The following MGAM variants were observed in gnomAD, a reference collection of about 807,000 sequenced individuals.
MGAM encodes the protein maltase-glucoamylase, also known as alpha-1,4-glucosidase.
MGAM carries 253 observed loss-of-function variants against 358.8 expected under a neutral mutation model. The observed-to-expected ratio is 0.71, with a 90% CI of 0.64 to 0.78. MGAM has a LOEUF of 0.78. MGAM is among the 30% of genes least tolerant of loss of function. MGAM has a pLI of 0.00. For missense variants in MGAM, 3,080 were observed against 3,432.6 expected, an observed-to-expected ratio of 0.90 and a Z score of 2.57; for synonymous variants, 1,105 against 1,227.1, an observed-to-expected ratio of 0.90 and a Z score of 2.08.
At chr7:142,103,114 T>C (rs1265835765) in intron 69 of MGAM, among the ~76,000 whole-genome samples, 155 bp from the exon 70 acceptor site, 2 of 152,216 alleles carry the variant, frequency 1.3e-5, no homozygotes, top group African/African-American at 4.8e-5. Flanking sequence ...CAATAGGCCA[T>C]AGAGTGATGA....
At position 142,078,573 on chromosome 7, in the gene MGAM, A is replaced by G. The variant is rs1813948889; in HGVS notation, c.5646+103A>G. 12 of 1,224,554 alleles carry G rather than the reference A, an allele frequency of 9.8e-6. 1 individual carries two copies. Among genetic ancestry groups the G allele is most frequent in the Admixed American group, 2.7e-5 (1 of 36,726 alleles). The allele number at this position is 1,224,554 out of a possible 1,614,324, so 75.9% of individuals were successfully genotyped here. A position where few individuals can be genotyped will look rare whatever the true frequency, so the allele number is the denominator to read the frequency against. On this transcript the variant is annotated intron_variant, in intron 48 of 70. Coordinates refer to ENST00000475668, the MANE Select transcript of MGAM (RefSeq NM_001365693.1). ...TTATATAACTACTTAAAATCCATAG[A>G]AAGGACTTCCTAAGGGACATGATCT...
intron 1 of MGAM, among the ~76,000 whole-genome samples, chr7:141,997,590 G>C (rs1804356267): frequency 6.6e-6 from 1 of 152,136 alleles, no homozygotes. Flanking sequence ...AATGTGATGA[G>C]AAATATAAGC....
At chr7:142,021,180 G>T (rs1238006190) in intron 5 of MGAM, 97 bp downstream of exon 5, 2 of 830,132 alleles carry the variant, frequency 2.4e-6, no homozygotes, top group East Asian at 2.7e-5. Context: ...TTTGCTACTG[G>T]ATGTATTTTT....
intron 3 of MGAM, among the ~76,000 whole-genome samples, chr7:142,010,100 C>T (rs782205518): frequency 6.6e-6 from 1 of 152,096 alleles, no homozygotes; most frequent in Non-Finnish European, 1.5e-5. Flanking sequence ...GTTTGATTCT[C>T]CCAGTTATGA....
chr7:141,995,208 T>G (rs1282636482), upstream of MGAM, among the ~76,000 whole-genome samples: 1 of 151,742 alleles, frequency 6.6e-6, no homozygotes, highest in Non-Finnish European at 1.5e-5. Context: ...TCTCATAGGT[T>G]TCTTGGCCTT....
chr7:142,030,722 A>T lies in MGAM; in HGVS notation c.1435A>T (p.Asn479Tyr). The T allele has an allele frequency of 6.2e-7, 1 of 1,611,980 alleles. No individual in the cohort carries two copies. Among genetic ancestry groups the T allele is most frequent in the African/African-American group, 1.3e-5 (1 of 74,920 alleles). Residue 479 changes from asparagine (N) to tyrosine (Y), a missense_variant, in exon 12 of 71, where the codon AAT becomes TAT. By Grantham distance (143) the Asn-to-Tyr change is moderately radical. Around this residue, in one of 5 missense-constraint regions of MGAM, gnomAD observed 1,816 missense variants for 1,840.5 expected, o/e 0.99. Transcript: ENST00000475668. ...GGGTTCAGATATGAAGATATGGGTG[A>T]ATAGTTCAGATGGAGTGACTCCACT... Reference protein sequence around the residue: ...DRGSDMKIWVNSSDGVTPLIG... With the variant: ...DRGSDMKIWVYSSDGVTPLIG...
intron 63 of MGAM, among the ~76,000 whole-genome samples, chr7:142,095,286 C>G (rs1196491145): frequency 6.6e-6 from 1 of 152,216 alleles, no homozygotes; most frequent in African/African-American, 2.4e-5. Context: ...CCATATTCCT[C>G]AGTGTTCTTT....
At chr7:141,988,350 A>G (rs578157824) in intron 2 of MGAM, among the ~76,000 whole-genome samples, 121 of 150,852 alleles carry the variant, frequency 8.0e-4, no homozygotes, top group African/African-American at 2.8e-3. Flanking sequence ...GTGTCACACA[A>G]TGCAAAGTTG....
chr7:142,019,788 G>A (rs1189455998), intron 4 of MGAM, among the ~76,000 whole-genome samples: 1 of 152,172 alleles, frequency 6.6e-6, no homozygotes, highest in African/African-American at 2.4e-5. Flanking sequence ...CAAAGCATAG[G>A]CCAGGCACAG....
rs373961689 is a variant in MGAM at position 142,064,482 on chromosome 7, C to T, written c.4444C>T (p.His1482Tyr). 1 of 1,584,110 alleles carries T rather than the reference C, an allele frequency of 6.3e-7. No individual in the cohort carries two copies. The highest frequency in any genetic ancestry group is 8.6e-7 in the Non-Finnish European group (1 of 1,164,988). Residue 1482 changes from histidine to tyrosine, a missense_variant, in exon 37 of 71, where the codon CAC becomes TAC. Around this residue, in one of 5 missense-constraint regions of MGAM, gnomAD observed 1,816 missense variants for 1,840.5 expected, o/e 0.99. Transcript: ENST00000475668. ...CTCCCTGGTGCAGCACTACAACGTG[C>T]ACAACCTGTATGGGTGGTCCCAGAC... ...DGSLVQHYNV[H>Y]NLYGWSQTRP... is the part of the protein sequence containing the mutation.
chr7:142,027,625 G>A lies in MGAM; in HGVS notation c.1111G>A (p.Ala371Thr), dbSNP rs781833668. 8.7e-6 allele frequency: 14 copies of A among 1,613,580 alleles called. No homozygotes were observed. The highest frequency in any genetic ancestry group is 1.3e-5 in the African/African-American group (1 of 74,920). Residue 371 changes from alanine (A) to threonine (T), a missense_variant, in exon 10 of 71, where the codon GCC becomes ACC. By Grantham distance (58) the Ala-to-Thr change is moderately conservative. Around this residue, in one of 5 missense-constraint regions of MGAM, gnomAD observed 1,816 missense variants for 1,840.5 expected, o/e 0.99. Coordinates refer to ENST00000475668, the MANE Select transcript of MGAM (RefSeq NM_001365693.1). ...QEYLELIGRPALPSYWALGFH... is the reference protein window; with the variant it reads ...QEYLELIGRPTLPSYWALGFH... ...TTTCTTTCAGCTCATTGGGCGGCCA[G>A]CCCTTCCCTCCTACTGGGCGCTTGG...
In MGAM at chr7:142,103,312, G is replaced by C; in HGVS notation, c.8057G>C (p.Gly2686Ala). The change falls in exon 70 of 71, where the codon GGT becomes GCT. Residue 2686 changes from glycine to alanine, a missense_variant. By Grantham distance (60) the Gly-to-Ala change is moderately conservative. Coordinates refer to ENST00000475668, the MANE Select transcript of MGAM (RefSeq NM_001365693.1). ...ATAATTTTCAACAATTACATCACTG[G>C]TACAAATCCTTTGAAACTGGGCTAC... ...SHIIFNNYIT[G>A]TNPLKLGYIE... The C allele has an allele frequency of 6.2e-7, 1 of 1,612,746 alleles. No individual in the cohort carries two copies. The highest frequency in any genetic ancestry group is 1.7e-4 in the Middle Eastern group (1 of 6,056).
chr7:142,038,657 G>GTATCTGCTGCCCTGCAAAC, intron 19 of MGAM, 42 bp downstream of exon 19: 1 of 1,427,740 alleles, frequency 7.0e-7, no homozygotes, highest in Admixed American at 2.1e-5. Context: ...CTCTGCATCT[G>GTATCTGCTGCCCTGCAAAC]TATCTGCTGC....
intron 8 of MGAM, among the ~76,000 whole-genome samples, chr7:142,026,912 T>C (rs1807026837): frequency 2.0e-5 from 3 of 152,176 alleles, no homozygotes; most frequent in Non-Finnish European, 4.4e-5. Flanking sequence ...TTAAAATCTG[T>C]CACAGAAAAA....
Position 142,063,551 on chromosome 7 carries a change from G to A in MGAM, c.4310G>A (p.Arg1437Lys). The change falls in exon 36 of 71, where the codon AGG (arginine) becomes AAG (lysine). Residue 1437 changes from arginine to lysine, a missense_variant. Around this residue, in one of 5 missense-constraint regions of MGAM, gnomAD observed 1,816 missense variants for 1,840.5 expected, o/e 0.99. Transcript: ENST00000475668. ...FVNGAVSPGC[R>K]DASLNHPPYM... ...AATGGGGCAGTTTCTCCAGGCTGCA[G>A]GGACGCCTCTCTGAACCACCCTCCC... The A allele has an allele frequency of 6.2e-7, 1 of 1,613,762 alleles. No homozygotes were observed. Among genetic ancestry groups the A allele is most frequent in the Non-Finnish European group, 8.5e-7 (1 of 1,179,812 alleles).
chr7:142,103,457 A>C lies in MGAM; in HGVS notation c.8184+18A>C. On this transcript the variant is annotated intron_variant, in intron 70 of 70. Coordinates refer to ENST00000475668, the MANE Select transcript of MGAM (RefSeq NM_001365693.1). ...CGACACAGGTTTGTGACCAGCAAAA[A>C]GTGCGAATGGTATTCTCCACCCTTA... is the stretch of plus-strand genomic sequence containing the variant. The C allele has an allele frequency of 1.3e-6, 2 of 1,578,764 alleles. No individual in the cohort carries two copies. Among genetic ancestry groups the C allele is most frequent in the Non-Finnish European group, 1.7e-6 (2 of 1,164,094 alleles).
At chr7:142,010,469 T>TG (rs1184708524) in intron 3 of MGAM, among the ~76,000 whole-genome samples, 3 of 152,072 alleles carry the variant, frequency 2.0e-5, no homozygotes, top group Admixed American at 2.0e-4. Context: ...TCTATCCCTT[T>TG]GGCCAGTATT....
intron 26 of MGAM, among the ~76,000 whole-genome samples, 193 bp downstream of exon 26, chr7:142,053,177 G>A (rs1811181536): frequency 6.6e-6 from 1 of 152,130 alleles, no homozygotes; most frequent in Non-Finnish European, 1.5e-5. Flanking sequence ...AGATTACTGT[G>A]GCTACTGTTA....
intron 22 of MGAM, among the ~76,000 whole-genome samples, chr7:142,049,915 C>T (rs1810774218): frequency 6.6e-6 from 1 of 152,138 alleles, no homozygotes; most frequent in African/African-American, 2.4e-5. Flanking sequence ...AACAGAACTT[C>T]CATACAATCC....
Sources: gnomAD v4.1 joint callset for allele counts (sites outside exome capture counted in the v4.1 genomes callset) on GRCh38, gnomAD v4.1.1 for gene constraint, gnomAD v4.1.1 regional missense constraint, MANE v1.5 for transcripts, NCBI Gene and HGNC (gene_info 2026-07-23, HGNC 2026-07-21) for gene names.